PXDNL: variants seen among roughly 807,000 people sequenced by gnomAD.
PXDNL encodes probable oxidoreductase PXDNL.
In PXDNL, 145 loss-of-function variants were observed where a neutral mutation model predicts 150.8. The observed-to-expected ratio is 0.96, with a 90% CI of 0.84 to 1.10. PXDNL has a LOEUF of 1.10. Among genes scored for constraint, PXDNL ranks in the 50% least tolerant of loss-of-function variants. The pLI is 0.00. For synonymous variants in PXDNL, 757 were observed against 725.7 expected, an observed-to-expected ratio of 1.04 and a Z score of -0.69; for missense variants, 2,087 against 1,873.9, an observed-to-expected ratio of 1.11 and a Z score of -2.10.
At chr8:51,687,740 G>A (rs1815908135) in intron 1 of PXDNL, among the ~76,000 whole-genome samples, 1 of 152,236 alleles carries the variant, frequency 6.6e-6, no homozygotes, top group Admixed American at 6.5e-5. Flanking sequence ...TTGTAATAAA[G>A]TATGACAAGA....
intron 2 of PXDNL, among the ~76,000 whole-genome samples, chr8:51,653,562 C>A (rs776871162): frequency 1.3e-5 from 2 of 152,172 alleles, no homozygotes; most frequent in Non-Finnish European, 2.9e-5. Flanking sequence ...CTTTGATAAT[C>A]ATTGCTTTAT....
At chr8:51,567,796 G>A (rs976201359) in intron 3 of PXDNL, among the ~76,000 whole-genome samples, 23 of 151,752 alleles carry the variant, frequency 1.5e-4, no homozygotes, top group African/African-American at 5.3e-4. Flanking sequence ...AAAACGATGC[G>A]ACATTTACAT....
At chr8:51,743,481 A>C (rs1170454101) in intron 1 of PXDNL, among the ~76,000 whole-genome samples, 1 of 152,116 alleles carries the variant, frequency 6.6e-6, no homozygotes, top group Admixed American at 6.5e-5. Flanking sequence ...TCCAGGGTTC[A>C]AGCGATTCTC....
chr8:51,656,151 T>C (rs563791518), intron 1 of PXDNL, among the ~76,000 whole-genome samples: 1 of 152,262 alleles, frequency 6.6e-6, no homozygotes, highest in South Asian at 2.1e-4. Flanking sequence ...TTCCCCTCAA[T>C]TAATTTCTCA....
intron 1 of PXDNL, among the ~76,000 whole-genome samples, chr8:51,685,733 C>G (rs1815859289): frequency 6.6e-6 from 1 of 152,176 alleles, no homozygotes; most frequent in Non-Finnish European, 1.5e-5. Flanking sequence ...GTCTCAGAAC[C>G]TCATCTCCCT....
At chr8:51,631,089 AC>A (rs1563488971) in intron 2 of PXDNL, among the ~76,000 whole-genome samples, 1 of 152,238 alleles carries the variant, frequency 6.6e-6, no homozygotes, top group Non-Finnish European at 1.5e-5. Context: ...ACCATGGAAT[AC>A]CGTGCAACCA....
chr8:51,752,912 G>A (rs1035520162), intron 1 of PXDNL, among the ~76,000 whole-genome samples: 8 of 152,170 alleles, frequency 5.3e-5, no homozygotes. Flanking sequence ...ATACCCATGG[G>A]CACAAATGTC....
intron 12 of PXDNL, among the ~76,000 whole-genome samples, chr8:51,440,445 T>G (rs964615071): frequency 9.5e-5 from 2 of 21,114 alleles, no homozygotes; most frequent in Non-Finnish European, 2.7e-4. Context: ...AAAAATCCAT[T>G]GAAAAATAAT....
chr8:51,725,971 T>C, intron 1 of PXDNL, among the ~76,000 whole-genome samples: 1 of 152,258 alleles, frequency 6.6e-6, no homozygotes, highest in East Asian at 1.9e-4. Flanking sequence ...TCGTTAATTA[T>C]TGATGTAGCC....
At chr8:51,390,801 T>C (rs1045345528) in intron 17 of PXDNL, among the ~76,000 whole-genome samples, 2 of 152,088 alleles carry the variant, frequency 1.3e-5, no homozygotes, top group African/African-American at 4.8e-5. Flanking sequence ...ATGTGCAGGT[T>C]AGTTACATAT....
At chr8:51,780,067 T>A (rs893426650) in intron 1 of PXDNL, among the ~76,000 whole-genome samples, 2 of 152,086 alleles carry the variant, frequency 1.3e-5, no homozygotes, top group Non-Finnish European at 2.9e-5. Flanking sequence ...AAAAATTAGC[T>A]GGGCGTGATG....
chr8:51,360,496 T>C (rs962597288), intron 19 of PXDNL, among the ~76,000 whole-genome samples: 2 of 152,242 alleles, frequency 1.3e-5, no homozygotes, highest in Non-Finnish European at 2.9e-5. Context: ...TACACATGTA[T>C]ATATGTACAC....
chr8:51,496,466 A>G (rs1377900385), intron 5 of PXDNL, among the ~76,000 whole-genome samples: 4 of 152,196 alleles, frequency 2.6e-5, no homozygotes, highest in Non-Finnish European at 5.9e-5. Context: ...AGGGTATTCA[A>G]TCAGGAAAAG....
At chr8:51,483,307 G>A (rs578262273) in intron 6 of PXDNL, among the ~76,000 whole-genome samples, 1 of 152,274 alleles carries the variant, frequency 6.6e-6, no homozygotes, top group Admixed American at 6.5e-5. Flanking sequence ...ACTTTCTTTG[G>A]AACTTCTCAC....
At chr8:51,681,690 G>T (rs1274215023) in intron 1 of PXDNL, among the ~76,000 whole-genome samples, 3 of 152,238 alleles carry the variant, frequency 2.0e-5, no homozygotes, top group Non-Finnish European at 4.4e-5. Context: ...TAATTGAAAA[G>T]AACACTAGCA....
chr8:51,646,447 A>T (rs1031107836), intron 2 of PXDNL, among the ~76,000 whole-genome samples: 12 of 152,194 alleles, frequency 7.9e-5, no homozygotes, highest in Admixed American at 1.3e-4. Flanking sequence ...AAGTGCAATT[A>T]AGGAAAATAT....
chr8:51,403,836 G>A (rs889278018), intron 17 of PXDNL, among the ~76,000 whole-genome samples: 8 of 152,060 alleles, frequency 5.3e-5, no homozygotes, highest in South Asian at 4.2e-4. Flanking sequence ...GTGAGGTCTC[G>A]GTCTCACTGA....
intron 1 of PXDNL, among the ~76,000 whole-genome samples, chr8:51,760,029 G>A (rs1173727051): frequency 6.6e-6 from 1 of 152,160 alleles, no homozygotes; most frequent in African/African-American, 2.4e-5. Flanking sequence ...GAAGAAACTC[G>A]AATTCCCTAA....
intron 1 of PXDNL, among the ~76,000 whole-genome samples, chr8:51,736,648 T>A (rs1366345853): frequency 6.6e-6 from 1 of 152,242 alleles, no homozygotes; most frequent in Non-Finnish European, 1.5e-5. Flanking sequence ...CCCTGGCAGC[T>A]ATCCTCACTT....
Sources: gnomAD v4.1 joint callset for allele counts (sites outside exome capture counted in the v4.1 genomes callset) on GRCh38, gnomAD v4.1.1 for gene constraint, MANE v1.5 for transcripts, NCBI Gene and HGNC (gene_info 2026-07-23, HGNC 2026-07-21) for gene names.